The following SMPD3 variants were observed in gnomAD, a reference collection of about 807,000 sequenced individuals.
The protein encoded by SMPD3 is nSMase-2.
SMPD3 carries 21 observed loss-of-function variants against 55.7 expected under a neutral mutation model. The ratio of observed to expected loss-of-function variants is 0.38; its 90% confidence interval spans 0.27 to 0.54. The LOEUF (loss-of-function observed/expected upper bound fraction) is 0.54, where lower values mean the gene tolerates loss of function less well. SMPD3 is among the 20% of genes least tolerant of loss of function. The probability of loss-of-function intolerance (pLI) is 0.80; values close to 1 mark genes in which losing one functional copy is unlikely to be tolerated. For missense variants in SMPD3, 842 were observed against 899.6 expected (o/e 0.94, Z 0.82); for synonymous variants, 457 against 404.3 (o/e 1.13, Z -1.56).
In SMPD3 at chr16:68,404,995, A is replaced by T. The variant is rs2090241520; in HGVS notation, c.-268-18336T>A. On this transcript the variant is annotated intron_variant, in intron 1 of 8. Transcript: ENST00000219334. The surrounding 1 kb of genome is among the most constrained non-coding windows in gnomAD (Gnocchi z 4.0). The stretch of plus-strand genomic sequence containing the variant: ...ATCCGGGCATTTGGTAACTCGAGGA[A>T]AATGGACTTTTCCTCTTCTGCTGCT... Among the ~76,000 whole-genome samples, 1 of 152,224 alleles carries T rather than the reference A, an allele frequency of 6.6e-6. No individual in the cohort carries two copies. The highest frequency in any genetic ancestry group is 1.5e-5 in the Non-Finnish European group (1 of 68,040).
chr16:68,434,809 A>G (rs2090508584), intron 1 of SMPD3, among the ~76,000 whole-genome samples: 1 of 152,182 alleles, frequency 6.6e-6, no homozygotes, highest in South Asian at 2.1e-4. Context: ...TCGGTTTCTA[A>G]GCAGCTCTGC....
intron 1 of SMPD3, among the ~76,000 whole-genome samples, chr16:68,421,776 G>T (rs896893290): frequency 1.3e-5 from 2 of 152,202 alleles, no homozygotes; most frequent in African/African-American, 4.8e-5. Flanking sequence ...TTCCCTACTT[G>T]CTTGATGAAA....
In SMPD3 at chr16:68,359,906, C is replaced by T. The variant is rs1359851455; in HGVS notation, c.*1300G>A. The T allele has an allele frequency of 1.3e-5, 2 of 152,282 alleles. No individual in the cohort carries two copies. The highest frequency in any genetic ancestry group is 2.9e-5 in the Non-Finnish European group (2 of 68,174). 9.4% of individuals were successfully genotyped at this position (152,282 alleles called of 1,614,324 possible). On this transcript the variant is annotated 3_prime_UTR_variant, in exon 9 of 9. Coordinates refer to ENST00000219334, the MANE Select transcript of SMPD3 (RefSeq NM_018667.4). ...CTGGAGGCAGATCGGGGACCACAAG[C>T]TGTTGGCCAGCTCTGCCATGCTGAA... is the stretch of plus-strand genomic sequence containing the variant.
intron 1 of SMPD3, among the ~76,000 whole-genome samples, chr16:68,397,980 C>T (rs1166130580): frequency 6.7e-6 from 1 of 150,104 alleles, no homozygotes; most frequent in Non-Finnish European, 1.5e-5. Context: ...GGAATATGCC[C>T]CAAAGGCAGC....
intron 2 of SMPD3, among the ~76,000 whole-genome samples, chr16:68,372,731 T>C (rs149294873): frequency 1.6e-3 from 247 of 152,304 alleles, no homozygotes; most frequent in African/African-American, 5.7e-3. Context: ...TCCTAGAGGA[T>C]GCCTGGGCCC....
chr16:68,406,639 G>A (rs2152015536), intron 1 of SMPD3, among the ~76,000 whole-genome samples: 1 of 152,386 alleles, frequency 6.6e-6, no homozygotes, highest in South Asian at 2.1e-4. Context: ...GGCATCTCCA[G>A]ATGTTTGCCT....
chr16:68,392,075 A>G (rs1374737280), intron 1 of SMPD3, among the ~76,000 whole-genome samples: 1 of 152,134 alleles, frequency 6.6e-6, no homozygotes, highest in Non-Finnish European at 1.5e-5. Flanking sequence ...TATTTTTAGT[A>G]GAGACAGGGT....
At chr16:68,419,362 G>T (rs1239106687) in intron 1 of SMPD3, among the ~76,000 whole-genome samples, 3 of 152,222 alleles carry the variant, frequency 2.0e-5, no homozygotes, top group Non-Finnish European at 2.9e-5. Context: ...CAGGTCTCTG[G>T]AACCTTCCTT....
In SMPD3 at chr16:68,371,533, C is replaced by A. The variant is rs1346886237; in HGVS notation, c.649G>T (p.Gly217Trp). 1 of 1,601,448 alleles carries A rather than the reference C, an allele frequency of 6.2e-7. No individual in the cohort carries two copies. The highest frequency in any genetic ancestry group is 8.5e-7 in the Non-Finnish European group (1 of 1,179,290). The change falls in exon 3 of 9, where the codon GGG (glycine) becomes TGG (tryptophan). Residue 217 changes from glycine (G) to tryptophan (W), a missense_variant. By Grantham distance (184) the Gly-to-Trp change is radical. Coordinates refer to ENST00000219334, the MANE Select transcript of SMPD3 (RefSeq NM_018667.4). ...TASVEYKGDG[G>W]RHPGDEAANG... is the part of the protein sequence containing the mutation. ...GCAGCCTCGTCACCGGGGTGCCGCCCACCGTCACCCTTGTACTCCACAGAG... is the reference window on the plus strand; with the variant it reads ...GCAGCCTCGTCACCGGGGTGCCGCCAACCGTCACCCTTGTACTCCACAGAG...
At chr16:68,419,295 C>T (rs2090368561) in intron 1 of SMPD3, among the ~76,000 whole-genome samples, 1 of 152,204 alleles carries the variant, frequency 6.6e-6, no homozygotes, top group African/African-American at 2.4e-5. Flanking sequence ...ACTGCAGGGA[C>T]TGGCTGAAGT....
At chr16:68,434,656 ATTTCC>A (rs1000985518) in intron 1 of SMPD3, among the ~76,000 whole-genome samples, 5 of 151,762 alleles carry the variant, frequency 3.3e-5, no homozygotes, top group Non-Finnish European at 7.4e-5. Context: ...TGTTTTTTGC[ATTTCC>A]TTTCTTTTCT....
In SMPD3 at chr16:68,433,870, A is replaced by AT. The variant is rs1354181762; in HGVS notation, c.-269+14482dup. On this transcript the variant is annotated intron_variant, in intron 1 of 8. Coordinates refer to ENST00000219334, the MANE Select transcript of SMPD3 (RefSeq NM_018667.4). ...AGTCTTACTCTTTTTTTTCTAGTTC[A>AT]TTTTTTTTTTTTAGGTCATGGAATA... Among the ~76,000 whole-genome samples the AT allele has an allele frequency of 7.1e-3, 1,016 of 143,944 alleles. 9 individuals carry two copies. The highest frequency in any genetic ancestry group is 0.022 in the African/African-American group (881 of 39,490). 94.4% of individuals were successfully genotyped at this position (143,944 alleles called of 152,430 possible). A position where few individuals can be genotyped will look rare whatever the true frequency, so the allele number is the denominator to read the frequency against.
At chr16:68,377,688 C>T (rs1359790244) in intron 2 of SMPD3, among the ~76,000 whole-genome samples, 1 of 152,224 alleles carries the variant, frequency 6.6e-6, no homozygotes, top group African/African-American at 2.4e-5. Flanking sequence ...TGGCCAGGAC[C>T]TCTGCTACTG....
intron 1 of SMPD3, among the ~76,000 whole-genome samples, chr16:68,405,127 C>T (rs1005168697): frequency 6.6e-5 from 10 of 152,276 alleles, no homozygotes; most frequent in African/African-American, 9.6e-5. Flanking sequence ...GTTTTTTCCC[C>T]CAAGGCAGGT....
chr16:68,404,882 G>A lies in SMPD3; in HGVS notation c.-268-18223C>T, dbSNP rs940228356. Among the ~76,000 whole-genome samples, 10 of 152,216 alleles carry A rather than the reference G, an allele frequency of 6.6e-5. No individual in the cohort carries two copies. The highest frequency in any genetic ancestry group is 2.1e-4 in the South Asian group (1 of 4,834). On this transcript the variant is annotated intron_variant, in intron 1 of 8. Transcript: ENST00000219334. This position sits in a 1 kb window ranked among gnomAD's most constrained non-coding sequence, Gnocchi z 4.0. ...TCCTTGGCAGCAGTAGAAATGGGGC[G>A]GCTCTGAACTTTCTCTCTGTAACCC...
chr16:68,406,377 G>A (rs2152015359), intron 1 of SMPD3, among the ~76,000 whole-genome samples: 1 of 152,314 alleles, frequency 6.6e-6, no homozygotes, highest in African/African-American at 2.4e-5. Context: ...AAGTGAATGA[G>A]AAAATCAATT....
intron 1 of SMPD3, among the ~76,000 whole-genome samples, chr16:68,438,842 G>A (rs1004157141): frequency 2.0e-5 from 3 of 152,174 alleles, no homozygotes; most frequent in Non-Finnish European, 4.4e-5. Flanking sequence ...TTGAACCAGA[G>A]AAGCAGTGAT....
At position 68,370,969 on chromosome 16, in the gene SMPD3, T is replaced by C; in HGVS notation, c.1213A>G (p.Ser405Gly). 2 of 1,614,060 alleles carry C rather than the reference T, an allele frequency of 1.2e-6. No individual in the cohort carries two copies. The highest frequency in any genetic ancestry group is 8.5e-7 in the Non-Finnish European group (1 of 1,180,022). Residue 405 changes from serine (S) to glycine (G), a missense_variant, in exon 3 of 9, where the codon AGC becomes GGC. Physicochemically the swap from Ser to Gly is moderately conservative, Grantham distance 56. Transcript: ENST00000219334. ...QGCCSFKCLNSGLLFASRYPI... is the reference protein window; with the variant it reads ...QGCCSFKCLNGGLLFASRYPI... ...TAGCGGCTGGCAAAGAGGAGGCCGCTGTTGAGACACTTGAAGCTGCAGCAG... is the reference window on the plus strand; with the variant it reads ...TAGCGGCTGGCAAAGAGGAGGCCGCCGTTGAGACACTTGAAGCTGCAGCAG...
rs553900415 is a variant in SMPD3 at position 68,404,412 on chromosome 16, C to T, written c.-268-17753G>A. Among the ~76,000 whole-genome samples, 2 of 152,200 alleles carry T rather than the reference C, an allele frequency of 1.3e-5. No homozygotes were observed. Among genetic ancestry groups the T allele is most frequent in the East Asian group, 3.9e-4 (2 of 5,178 alleles). On this transcript the variant is annotated intron_variant, in intron 1 of 8. Transcript: ENST00000219334. This position sits in a 1 kb window ranked among gnomAD's most constrained non-coding sequence, Gnocchi z 4.0. ...ACCATGACAGGGTTTCATCGTGTTG[C>T]CCAGGCTGGTCCTGAACTCCTGGGC...
Sources: allele counts gnomAD v4.1 joint callset (sites outside exome capture counted in the v4.1 genomes callset), GRCh38; gene constraint gnomAD v4.1.1; non-coding constraint Gnocchi (gnomAD v3.1); transcripts MANE v1.5; gene names NCBI Gene and HGNC (gene_info 2026-07-23, HGNC 2026-07-21).